GNL3L: variants seen among roughly 807,000 people sequenced by gnomAD.
GNL3L encodes guanine nucleotide-binding protein-like 3-like protein.
A neutral mutation model predicts 42.9 loss-of-function variants in GNL3L; 4 were observed. The observed-to-expected ratio is 0.09, with a 90% CI of 0.05 to 0.21. The LOEUF (loss-of-function observed/expected upper bound fraction) is 0.21, where lower values mean the gene tolerates loss of function less well. Among genes scored for constraint, GNL3L ranks in the 10% least tolerant of loss-of-function variants. The pLI, the probability that GNL3L is intolerant of heterozygous loss-of-function variation, is 1.00. For missense variants in GNL3L, 412 were observed against 481.7 expected (o/e 0.86, Z 1.36); for synonymous variants, 159 against 176.3 (o/e 0.90, Z 0.78).
intron 16 of GNL3L, among the ~76,000 whole-genome samples, chrX:54,591,510 T>C (rs939839513): frequency 1.0e-4 from 11 of 108,374 alleles, no homozygotes; most frequent in Non-Finnish European, 1.9e-4. Context: ...GGAGAATCGC[T>C]TGGACCCGGG....
downstream of GNL3L, among the ~76,000 whole-genome samples, chrX:54,569,470 G>C (rs1925514014): frequency 8.9e-6 from 1 of 111,806 alleles, no homozygotes; most frequent in East Asian, 2.8e-4. Flanking sequence ...ATTAATTTTT[G>C]TAAAGTTGTT....
At chrX:54,633,271 G>A in the GNL3L span, among the ~76,000 whole-genome samples, 7 of 111,933 alleles carry the variant, frequency 6.3e-5, no homozygotes, top group Admixed American at 5.7e-4. Context: ...GAATGTTACA[G>A]GCAGTGGAAT....
chrX:54,621,206 C>A (rs779405111), exon 17 of GNL3L, among the ~76,000 whole-genome samples: 1 of 111,684 alleles, frequency 9.0e-6, no homozygotes, highest in Non-Finnish European at 1.9e-5. Context: ...GCTGTGTGAC[C>A]TTTTAGGCTA....
At chrX:54,639,671 T>TA in the GNL3L span, among the ~76,000 whole-genome samples, 3 of 110,769 alleles carry the variant, frequency 2.7e-5, no homozygotes, top group Admixed American at 9.5e-5. Flanking sequence ...GTCGCCACTT[T>TA]AAAAAAAACA....
At position 54,564,697 on chromosome X, in the gene GNL3L, C is replaced by T. The variant is rs773595425; in HGVS notation, c.*4095C>T. The stretch of plus-strand genomic sequence containing the variant: ...CTGGGATTACAAGAGTGAGCCACTG[C>T]GCCTGGCCTTTTTCTTTGTTCTTAT... On this transcript the variant is annotated 3_prime_UTR_variant, in exon 16 of 16. Coordinates refer to ENST00000360845, the MANE Select transcript of GNL3L (RefSeq NM_001184819.2). Among the ~76,000 whole-genome samples, 8 of 103,308 alleles carry T rather than the reference C, an allele frequency of 7.7e-5. No individual in the cohort carries two copies. The highest frequency in any genetic ancestry group is 2.1e-4 in the Admixed American group (2 of 9,395). The allele number at this position is 103,308 out of a possible 115,157, so 89.7% of individuals were successfully genotyped here. A position where few individuals can be genotyped will look rare whatever the true frequency, so the allele number is the denominator to read the frequency against.
chrX:54,594,146 AT>A (rs200661591), intron 16 of GNL3L, among the ~76,000 whole-genome samples: 4 of 110,992 alleles, frequency 3.6e-5, no homozygotes, highest in African/African-American at 1.3e-4. Flanking sequence ...ATTAAGTCTG[AT>A]TTTTTTTGGT....
chrX:54,642,632 T>C, the GNL3L span, among the ~76,000 whole-genome samples: 1 of 111,535 alleles, frequency 9.0e-6, no homozygotes, highest in Non-Finnish European at 1.9e-5. Context: ...GGCTCCTTCT[T>C]GTCATTGTCT....
downstream of GNL3L, among the ~76,000 whole-genome samples, chrX:54,623,158 ATGT>A (rs1300540486): frequency 8.0e-5 from 9 of 112,065 alleles, no homozygotes; most frequent in East Asian, 5.6e-4. Flanking sequence ...GAGTCCTCCA[ATGT>A]TGTTGTTCTT....
At chrX:54,617,249 A>G (rs1485368825) in intron 16 of GNL3L, among the ~76,000 whole-genome samples, 1 of 111,636 alleles carries the variant, frequency 9.0e-6, no homozygotes, top group Non-Finnish European at 1.9e-5. Flanking sequence ...ATATTTTTCC[A>G]TTGGAAAAAG....
rs1300687889 is a variant in GNL3L, at chrX:54,563,565, C to T, written c.*2963C>T. 5.4e-5 allele frequency among the ~76,000 whole-genome samples: 6 copies of T among 111,311 alleles called. No homozygotes were observed. On this transcript the variant is annotated 3_prime_UTR_variant, in exon 16 of 16. Transcript: ENST00000360845. ...TTGGGAGGCCGAGGCAGGCGGATCA[C>T]TTGAGGTCAGGAGTTCAAGACCAGC...
chrX:54,552,212 C>T, intron 12 of GNL3L, 80 bp from the exon 13 acceptor site: 1 of 1,037,531 alleles, frequency 9.6e-7, no homozygotes. Flanking sequence ...CTGTTTCTGG[C>T]CTGCAAACTC....
Position 54,552,438 on chromosome X carries a change from G to T in GNL3L, c.1318+10G>T, listed in dbSNP as rs767443428. 27 of 1,206,864 alleles carry T rather than the reference G, an allele frequency of 2.2e-5. No individual in the cohort carries two copies. In the Admixed American group the frequency reaches 5.9e-4, roughly 26 times the overall value. On this transcript the variant is annotated intron_variant, in intron 13 of 15. Transcript: ENST00000360845. ...GAAGACACCATGGAATGTAAGTGTG[G>T]GCAGGGTGGGTGCACTTGGTCTTGC...
chrX:54,561,023 G>GATC lies in GNL3L; in HGVS notation c.*422_*423insTCA. On this transcript the variant is annotated 3_prime_UTR_variant, in exon 16 of 16. Coordinates refer to ENST00000360845, the MANE Select transcript of GNL3L (RefSeq NM_001184819.2). Reference sequence around the variant, plus strand: ...GGAGGCAGAGGTTGCAGTGAGCCCAGACGGCACCATTGCACTCTAGCCTGG... The same window carrying GATC: ...GGAGGCAGAGGTTGCAGTGAGCCCAGATCACGGCACCATTGCACTCTAGCCTGG... 1 of 100,806 alleles carries GATC rather than the reference G, an allele frequency of 9.9e-6. No individual in the cohort carries two copies. Among genetic ancestry groups the GATC allele is most frequent in the Non-Finnish European group, 1.9e-5 (1 of 51,662 alleles). 8.3% of individuals were successfully genotyped at this position (100,806 alleles called of 1,213,427 possible).
At chrX:54,631,883 A>G in the GNL3L span, among the ~76,000 whole-genome samples, 1 of 107,408 alleles carries the variant, frequency 9.3e-6, no homozygotes, top group Non-Finnish European at 1.9e-5. Flanking sequence ...TTATGCTTTA[A>G]GGAGGTTCTA....
chrX:54,582,491 G>A (rs999117637), intron 16 of GNL3L, among the ~76,000 whole-genome samples: 3 of 112,168 alleles, frequency 2.7e-5, no homozygotes, highest in Non-Finnish European at 3.8e-5. Flanking sequence ...CAGTTTCTTT[G>A]CATCCTCACC....
Position 54,548,380 on chromosome X carries a change from C to T in GNL3L, c.775+7C>T. ...ATTCGTGTGGGTGTTGTGGGTAAGA[C>T]CTGCTGTGTGGTCATGGGGCTCAGG... On this transcript the variant is annotated splice_region_variant and intron_variant, in intron 9 of 15. Coordinates refer to ENST00000360845, the MANE Select transcript of GNL3L (RefSeq NM_001184819.2). The T allele has an allele frequency of 8.4e-7, 1 of 1,192,856 alleles. No homozygotes were observed. The highest frequency in any genetic ancestry group is 1.1e-6 in the Non-Finnish European group (1 of 880,387).
chrX:54,602,713 A>G (rs763728969), intron 16 of GNL3L, among the ~76,000 whole-genome samples: 3 of 111,645 alleles, frequency 2.7e-5, no homozygotes, highest in Non-Finnish European at 5.6e-5. Context: ...GCTGTGTAAC[A>G]AGATACTTCA....
intron 16 of GNL3L, among the ~76,000 whole-genome samples, chrX:54,572,419 A>G: frequency 9.0e-6 from 1 of 111,658 alleles, no homozygotes; most frequent in African/African-American, 3.3e-5. Context: ...CTACACAGAC[A>G]CAGCAACCAT....
chrX:54,594,490 G>T (rs1179769181), intron 16 of GNL3L, among the ~76,000 whole-genome samples: 1 of 107,500 alleles, frequency 9.3e-6, no homozygotes, highest in Non-Finnish European at 1.9e-5. Flanking sequence ...TTCAGCCTAT[G>T]TGTGTCTTTA....
Sources: allele counts gnomAD v4.1 joint callset (sites outside exome capture counted in the v4.1 genomes callset), GRCh38; gene constraint gnomAD v4.1.1; transcripts MANE v1.5; gene names NCBI Gene and HGNC (gene_info 2026-07-23, HGNC 2026-07-21).